GLRB: variants seen among roughly 807,000 people sequenced by gnomAD.
The protein encoded by GLRB is glycine receptor beta.
In GLRB, 33 loss-of-function variants were observed where a neutral mutation model predicts 54.2. The ratio of observed to expected loss-of-function variants is 0.61; its 90% CI spans 0.46 to 0.81. The LOEUF (loss-of-function observed/expected upper bound fraction) is 0.81, where lower values mean the gene tolerates loss of function less well. Ranked by LOEUF, GLRB falls within the 40% of genes least tolerant of loss-of-function variation. The probability of loss-of-function intolerance (pLI) is 0.00; values close to 1 mark genes in which losing one functional copy is unlikely to be tolerated. For missense variants in GLRB, 572 were observed against 584.6 expected, an observed-to-expected ratio of 0.98 and a Z score of 0.22; for synonymous variants, 209 against 208.2, an observed-to-expected ratio of 1.00 and a Z score of -0.03.
At chr4:157,095,642 C>T (rs865792046) in intron 2 of GLRB, among the ~76,000 whole-genome samples, 2 of 152,130 alleles carry the variant, frequency 1.3e-5, no homozygotes, top group Non-Finnish European at 2.9e-5. Flanking sequence ...AGAATGAGGA[C>T]ATGGTGAAAC....
intron 2 of GLRB, among the ~76,000 whole-genome samples, chr4:157,085,877 T>C (rs1734392917): frequency 6.6e-6 from 1 of 152,196 alleles, no homozygotes; most frequent in Non-Finnish European, 1.5e-5. Context: ...CAGTACATAC[T>C]TCTTACCTTG....
chr4:157,152,258 C>T (rs1398302628), intron 8 of GLRB, among the ~76,000 whole-genome samples: 2 of 152,002 alleles, frequency 1.3e-5, no homozygotes, highest in Non-Finnish European at 2.9e-5. Flanking sequence ...TGAACCTTAT[C>T]AAAACATTGC....
Position 157,171,731 on chromosome 4 carries a change from A to C in GLRB, c.*1003A>C, listed in dbSNP as rs1471386444. On this transcript the variant is annotated 3_prime_UTR_variant, in exon 10 of 10. Coordinates refer to ENST00000264428, the MANE Select transcript of GLRB (RefSeq NM_000824.5). ...TTACTGAATTTATTTTTTTATTTGA[A>C]TATTTTGGGATTAGTTACAAAATAT... The C allele has an allele frequency of 6.6e-6, 1 of 151,998 alleles. No individual in the cohort carries two copies. The highest frequency in any genetic ancestry group is 2.4e-5 in the African/African-American group (1 of 41,444). The allele number at this position is 151,998 out of a possible 1,614,324, so 9.4% of individuals were successfully genotyped here.
intron 8 of GLRB, among the ~76,000 whole-genome samples, chr4:157,144,373 C>T (rs911764286): frequency 6.6e-5 from 10 of 152,042 alleles, no homozygotes; most frequent in Non-Finnish European, 1.3e-4. Flanking sequence ...TTAAAAATTA[C>T]GAAAAATTAT....
chr4:157,139,077 T>A, intron 7 of GLRB, 128 bp downstream of exon 7: 1 of 592,898 alleles, frequency 1.7e-6, no homozygotes, highest in Non-Finnish European at 3.1e-6. Flanking sequence ...AGTTTATCTT[T>A]ACATTCATAT....
At chr4:157,145,542 G>A (rs1335123606) in intron 8 of GLRB, among the ~76,000 whole-genome samples, 5 of 152,064 alleles carry the variant, frequency 3.3e-5, no homozygotes, top group Non-Finnish European at 5.9e-5. Flanking sequence ...ACAAGTATTT[G>A]TTTTGTGTTA....
intron 9 of GLRB, among the ~76,000 whole-genome samples, chr4:157,154,913 A>T (rs1205505462): frequency 6.6e-6 from 1 of 152,100 alleles, no homozygotes; most frequent in African/African-American, 2.4e-5. Context: ...ATGTTTAAAA[A>T]TGTTACCTCT....
chr4:157,136,777 A>C, intron 5 of GLRB, 27 bp from the exon 6 acceptor site: 1 of 1,547,250 alleles, frequency 6.5e-7, no homozygotes, highest in Non-Finnish European at 8.9e-7. Flanking sequence ...ATATTAAATT[A>C]TTTCTAAGAC....
At chr4:157,103,962 T>A (rs1194367172) in intron 2 of GLRB, among the ~76,000 whole-genome samples, 1 of 151,886 alleles carries the variant, frequency 6.6e-6, no homozygotes, top group Non-Finnish European at 1.5e-5. Context: ...TGTGTGTGTG[T>A]AGTCTTTAGA....
At chr4:157,134,633 A>G (rs1736335676) in intron 4 of GLRB, among the ~76,000 whole-genome samples, 2 of 152,164 alleles carry the variant, frequency 1.3e-5, no homozygotes, top group African/African-American at 2.4e-5. Context: ...TAACTCTGGA[A>G]GCCACATTGG....
chr4:157,152,854 T>C lies in GLRB; in HGVS notation c.1041T>C (p.Tyr347=), dbSNP rs888202291. 6.2e-7 allele frequency: 1 copy of C among 1,614,094 alleles called. No homozygotes were observed. The change falls in exon 9 of 10, where the codon TAT becomes TAC. Residue 347 remains tyrosine (Y), a synonymous_variant. Transcript: ENST00000264428. The part of the protein sequence containing the change: ...LLFGFASLVE[Y]AVVQVMLNNP... ...TTGGGTTTGCTTCCCTGGTGGAGTA[T>C]GCAGTTGTCCAGGTGATGCTGAACA... is the stretch of plus-strand genomic sequence containing the variant.
chr4:157,141,713 A>G (rs1178847166), intron 7 of GLRB, among the ~76,000 whole-genome samples: 12 of 152,024 alleles, frequency 7.9e-5, no homozygotes, highest in Admixed American at 7.2e-4. Flanking sequence ...AGATCAAAAA[A>G]AGATCAAGAA....
intron 2 of GLRB, among the ~76,000 whole-genome samples, chr4:157,087,415 T>C (rs1032294310): frequency 1.3e-5 from 2 of 152,104 alleles, no homozygotes; most frequent in African/African-American, 4.8e-5. Context: ...AAAAGTTTGA[T>C]CTCAATAATC....
At chr4:157,154,036 G>C (rs1737129963) in intron 9 of GLRB, among the ~76,000 whole-genome samples, 1 of 152,134 alleles carries the variant, frequency 6.6e-6, no homozygotes, top group African/African-American at 2.4e-5. Context: ...CATTTTCTGA[G>C]CCTAAAGCCA....
chr4:157,148,835 T>C (rs1167565081), intron 8 of GLRB, among the ~76,000 whole-genome samples: 1 of 152,128 alleles, frequency 6.6e-6, no homozygotes. Context: ...TCTGTAAGTA[T>C]CATTACCGTC....
At chr4:157,099,100 G>C (rs1364765719) in intron 2 of GLRB, among the ~76,000 whole-genome samples, 2 of 152,084 alleles carry the variant, frequency 1.3e-5, no homozygotes, top group East Asian at 3.9e-4. Context: ...GACAAAGAAG[G>C]GACGTTTGGA....
At chr4:157,091,692 A>G (rs1309222241) in intron 2 of GLRB, among the ~76,000 whole-genome samples, 2 of 152,134 alleles carry the variant, frequency 1.3e-5, no homozygotes, top group African/African-American at 4.8e-5. Flanking sequence ...TGCTCAGTGT[A>G]TATCCAATCA....
chr4:157,137,042 T>C (rs1187933384), intron 6 of GLRB, among the ~76,000 whole-genome samples, 156 bp downstream of exon 6: 3 of 152,186 alleles, frequency 2.0e-5, no homozygotes, highest in Non-Finnish European at 2.9e-5. Context: ...TAGTTACTCT[T>C]TTATTAATAC....
chr4:157,171,915 T>C lies in GLRB; in HGVS notation c.*1187T>C, dbSNP rs945688705. 2 of 151,860 alleles carry C rather than the reference T, an allele frequency of 1.3e-5. No individual in the cohort carries two copies. The highest frequency in any genetic ancestry group is 2.4e-5 in the African/African-American group (1 of 41,428). The allele number at this position is 151,860 out of a possible 1,614,324, so 9.4% of individuals were successfully genotyped here. A position where few individuals can be genotyped will look rare whatever the true frequency, so the allele number is the denominator to read the frequency against. ...TCTCATTTTATGAGACCACCATTTC[T>C]TAATATCACATCCAGTGCACCTTTG... On this transcript the variant is annotated 3_prime_UTR_variant, in exon 10 of 10. Coordinates refer to ENST00000264428, the MANE Select transcript of GLRB (RefSeq NM_000824.5).
Sources: gnomAD v4.1 joint callset for allele counts (sites outside exome capture counted in the v4.1 genomes callset) on GRCh38, gnomAD v4.1.1 for gene constraint, MANE v1.5 for transcripts, NCBI Gene and HGNC (gene_info 2026-07-23, HGNC 2026-07-21) for gene names.